Variants in LIN9 observed in about 807,000 individuals in gnomAD.
LIN9 encodes lin-9 DREAM MuvB core complex component.
Under a neutral mutation model 78.0 loss-of-function variants are expected in LIN9, and 18 were observed. The observed-to-expected ratio is 0.23, with a 90% CI of 0.16 to 0.34. LIN9 has a LOEUF of 0.34. Ranked by LOEUF, LIN9 falls within the 10% of genes least tolerant of loss-of-function variation. The pLI, the probability that LIN9 is intolerant of heterozygous loss-of-function variation, is 1.00. For synonymous variants in LIN9, 192 were observed against 215.2 expected (o/e 0.89, Z 0.94); for missense variants, 451 against 644.1 (o/e 0.70, Z 3.25).
intron 7 of LIN9, among the ~76,000 whole-genome samples, chr1:226,272,780 A>C (rs1258788952): frequency 2.6e-5 from 4 of 151,972 alleles, no homozygotes. Context: ...ACAGCTGTAG[A>C]TCATGTGCCT....
chr1:226,293,410 G>C (rs1352482645), intron 4 of LIN9, among the ~76,000 whole-genome samples: 1 of 152,214 alleles, frequency 6.6e-6, no homozygotes, highest in Non-Finnish European at 1.5e-5. Context: ...CTGTATGTTT[G>C]TGAATCATCT....
At chr1:226,301,584 T>C (rs2102675330) in intron 1 of LIN9, among the ~76,000 whole-genome samples, 1 of 152,066 alleles carries the variant, frequency 6.6e-6, no homozygotes, top group East Asian at 1.9e-4. Flanking sequence ...AAGACTGATG[T>C]AGTAATGGAG....
At chr1:226,259,708 A>C (rs180984405) in intron 10 of LIN9, among the ~76,000 whole-genome samples, 1 of 152,306 alleles carries the variant, frequency 6.6e-6, no homozygotes, top group Admixed American at 6.5e-5. Context: ...GAAGAAATGA[A>C]AAAATATTCT....
chr1:226,258,175 AAAACAAACAAAC>A (rs145801833), intron 10 of LIN9, among the ~76,000 whole-genome samples: 35,951 of 149,078 alleles, frequency 0.24, 4,638 homozygotes, highest in South Asian at 0.33. Context: ...CCTGTTCTCA[AAAACAAACAAAC>A]AAACAAACAA....
At chr1:226,247,674 CTTT>C (rs35184021) in intron 11 of LIN9, among the ~76,000 whole-genome samples, 4 of 138,874 alleles carry the variant, frequency 2.9e-5, no homozygotes, top group Non-Finnish European at 3.1e-5. Flanking sequence ...TGTTTTCTTT[CTTT>C]TTTTTTTTTT....
rs189363142 is a variant in LIN9, at chr1:226,292,250, T to G, written c.264+3592A>C. ...ATTTCGGCTCACTGCAGCTTCCACCTCCCAGATTCAAGTGATTCTCCTGTC... is the reference window on the plus strand; with the variant it reads ...ATTTCGGCTCACTGCAGCTTCCACCGCCCAGATTCAAGTGATTCTCCTGTC... On this transcript the variant is annotated intron_variant, in intron 4 of 14. Transcript: ENST00000681046. 6.3e-4 allele frequency among the ~76,000 whole-genome samples: 96 copies of G among 152,114 alleles called. 1 individual carries two copies. The East Asian group carries it at 0.016, about 26-fold the overall frequency.
Position 226,265,703 on chromosome 1 carries a change from ATT to A in LIN9, c.937-71_937-70del. Reference sequence around the variant, plus strand: ...GGAAGTATCTTATTTTTTTATTTTTATTTTTTTTTAGACGGAGTCTCGCTCTG... The same window carrying A: ...GGAAGTATCTTATTTTTTTATTTTTATTTTTTTAGACGGAGTCTCGCTCTG... On this transcript the variant is annotated intron_variant, in intron 9 of 14. Transcript: ENST00000681046. This position sits in a 1 kb window ranked among gnomAD's most constrained non-coding sequence, Gnocchi z 4.1. 1 of 849,288 alleles carries A rather than the reference ATT, an allele frequency of 1.2e-6. No homozygotes were observed. The highest frequency in any genetic ancestry group is 1.8e-6 in the Non-Finnish European group (1 of 547,084). 52.6% of individuals were successfully genotyped at this position (849,288 alleles called of 1,614,324 possible).
At chr1:226,248,917 G>A (rs1174426707) in intron 11 of LIN9, among the ~76,000 whole-genome samples, 1 of 152,096 alleles carries the variant, frequency 6.6e-6, no homozygotes, top group Non-Finnish European at 1.5e-5. Flanking sequence ...CTTCTACAGA[G>A]TTCTCATATG....
chr1:226,289,834 CGGGGGGGGGGGTGGGG>C (rs869208548), intron 4 of LIN9, among the ~76,000 whole-genome samples: 1 of 12,080 alleles, frequency 8.3e-5, no homozygotes, highest in African/African-American at 3.5e-4. Flanking sequence ...AGTAGTCCTC[CGGGGGGGGGGGTGGGG>C]GGGGGTGGGA....
chr1:226,287,960 C>T, intron 4 of LIN9, among the ~76,000 whole-genome samples, 163 bp from the exon 5 acceptor site: 1 of 151,652 alleles, frequency 6.6e-6, no homozygotes, highest in East Asian at 1.9e-4. Context: ...TTTAAACACT[C>T]CGATTATTTT....
chr1:226,288,117 G>A (rs996722632), intron 4 of LIN9, among the ~76,000 whole-genome samples: 2 of 151,830 alleles, frequency 1.3e-5, no homozygotes, highest in Admixed American at 1.3e-4. Flanking sequence ...GACTACAGGC[G>A]CACGCCACCA....
chr1:226,292,229 C>T (rs539006062), intron 4 of LIN9, among the ~76,000 whole-genome samples: 7 of 151,332 alleles, frequency 4.6e-5, no homozygotes, highest in African/African-American at 1.7e-4. Context: ...GGCGCAATTT[C>T]GGCTCACTGC....
intron 7 of LIN9, 75 bp from the exon 8 acceptor site, chr1:226,268,165 G>A: frequency 7.1e-7 from 1 of 1,413,344 alleles, no homozygotes; most frequent in Admixed American, 2.0e-5. Flanking sequence ...TTCCAAGCAT[G>A]TAATTTAAAT....
chr1:226,247,923 C>T (rs1410764091), intron 11 of LIN9, among the ~76,000 whole-genome samples: 1 of 152,170 alleles, frequency 6.6e-6, no homozygotes, highest in Non-Finnish European at 1.5e-5. Context: ...ATCCACTCGC[C>T]TTGGCCTCCC....
intron 1 of LIN9, among the ~76,000 whole-genome samples, chr1:226,307,515 A>C (rs1662988830): frequency 6.6e-6 from 1 of 152,256 alleles, no homozygotes; most frequent in Admixed American, 6.5e-5. Flanking sequence ...ACATGCCTGT[A>C]ACCCCAGCTA....
Position 226,265,142 on chromosome 1 carries a change from C to A in LIN9, c.1038+391G>T, listed in dbSNP as rs1487473384. ...TAGTCTCTGAAAAGAAATAAAATTTCTTCTAACCATATAAGCTAGCCAGGA... is the reference window on the plus strand; with the variant it reads ...TAGTCTCTGAAAAGAAATAAAATTTATTCTAACCATATAAGCTAGCCAGGA... On this transcript the variant is annotated intron_variant, in intron 10 of 14. Coordinates refer to ENST00000681046, the MANE Select transcript of LIN9 (RefSeq NM_001366245.2). This position sits in a 1 kb window ranked among gnomAD's most constrained non-coding sequence, Gnocchi z 4.1. Among the ~76,000 whole-genome samples the A allele has an allele frequency of 6.6e-6, 1 of 152,146 alleles. No individual in the cohort carries two copies. The highest frequency in any genetic ancestry group is 1.5e-5 in the Non-Finnish European group (1 of 68,012).
intron 10 of LIN9, among the ~76,000 whole-genome samples, chr1:226,255,703 G>A (rs1659142995): frequency 1.3e-5 from 2 of 152,100 alleles, no homozygotes; most frequent in Admixed American, 1.3e-4. Context: ...CAAGCAAAGA[G>A]ATGAAAATTT....
At chr1:226,303,382 A>G (rs1662685691) in intron 1 of LIN9, among the ~76,000 whole-genome samples, 1 of 152,188 alleles carries the variant, frequency 6.6e-6, no homozygotes, top group African/African-American at 2.4e-5. Context: ...GAAAAAATAA[A>G]GCAGAAGAAG....
At chr1:226,284,037 T>TA (rs927612834) in intron 6 of LIN9, among the ~76,000 whole-genome samples, 1 of 152,178 alleles carries the variant, frequency 6.6e-6, no homozygotes, top group Non-Finnish European at 1.5e-5. Context: ...TTCTTTCATT[T>TA]AAAAAAATAT....
Sources: gnomAD v4.1 joint callset for allele counts (sites outside exome capture counted in the v4.1 genomes callset) on GRCh38, gnomAD v4.1.1 for gene constraint, Gnocchi (gnomAD v3.1) non-coding constraint, MANE v1.5 for transcripts, NCBI Gene and HGNC (gene_info 2026-07-23, HGNC 2026-07-21) for gene names.